OSBPL8: variants seen among roughly 807,000 people sequenced by gnomAD.
OSBPL8 encodes the protein oxysterol-binding protein-related protein 8.
OSBPL8 carries 59 observed loss-of-function variants against 125.5 expected under a neutral mutation model. The observed-to-expected ratio is 0.47, with a 90% CI of 0.38 to 0.58. The LOEUF is 0.58. Among genes scored for constraint, OSBPL8 ranks in the 20% least tolerant of loss-of-function variants. The probability of loss-of-function intolerance (pLI) is 0.00; values close to 1 mark genes in which losing one functional copy is unlikely to be tolerated. For missense variants in OSBPL8, 758 were observed against 1,047.8 expected (o/e 0.72, Z 3.82); for synonymous variants, 330 against 338.9 (o/e 0.97, Z 0.29).
chr12:76,425,895 T>C (rs969137191), intron 4 of OSBPL8, among the ~76,000 whole-genome samples: 1 of 152,212 alleles, frequency 6.6e-6, no homozygotes, highest in Non-Finnish European at 1.5e-5. Context: ...TGCCGAATGC[T>C]TTCTTCAGTT....
At chr12:76,508,196 T>C (rs963820928) in intron 1 of OSBPL8, among the ~76,000 whole-genome samples, 1 of 151,948 alleles carries the variant, frequency 6.6e-6, no homozygotes, top group Non-Finnish European at 1.5e-5. Flanking sequence ...AGAATATTAC[T>C]GGAAGACAAC....
intron 1 of OSBPL8, among the ~76,000 whole-genome samples, chr12:76,551,743 A>T (rs1489507719): frequency 6.6e-6 from 1 of 152,108 alleles, no homozygotes; most frequent in African/African-American, 2.4e-5. Context: ...AGGATCTCCT[A>T]ACTTGGCCCC....
intron 8 of OSBPL8, among the ~76,000 whole-genome samples, chr12:76,395,982 GAGT>G (rs1381614360): frequency 6.6e-6 from 1 of 150,764 alleles, no homozygotes; most frequent in Non-Finnish European, 1.5e-5. Context: ...CAATTCCTAA[GAGT>G]AGTAGAATAC....
rs1303867585 is a variant in OSBPL8 at position 76,369,693 on chromosome 12, A to G, written c.2184T>C (p.Ser728=). 1.9e-6 allele frequency: 3 copies of G among 1,613,648 alleles called. No individual in the cohort carries two copies. Among genetic ancestry groups the G allele is most frequent in the Admixed American group, 1.7e-5 (1 of 59,934 alleles). The part of the protein sequence containing the change: ...RDRKTKNEEW[S]CKLFELDPLT... ...GTGGATCAAGTTCAAATAATTTGCA[A>G]GACCACTCTTCATTTTTTGTTTTCC... Residue 728 remains serine, a synonymous_variant, in exon 20 of 24, where the codon TCT becomes TCC. Transcript: ENST00000261183.
At chr12:76,554,360 T>C (rs753162234) in intron 1 of OSBPL8, among the ~76,000 whole-genome samples, 40 of 152,180 alleles carry the variant, frequency 2.6e-4, no homozygotes, top group Non-Finnish European at 5.0e-4. Flanking sequence ...GAGGAGCAAC[T>C]GCAAATAAAT....
At position 76,356,664 on chromosome 12, in the gene OSBPL8, G is replaced by A; in HGVS notation, c.2499C>T (p.Ser833=). ...CCTGTGTTTGTTTTATAGATTCGAT[G>A]GAACTCTGAATGTCTCCCAGTTCTA... ...KGIELGDIQS[S]IESIKQTQEE... Residue 833 remains serine (S), a synonymous_variant, in exon 23 of 24, where the codon TCC becomes TCT. Transcript: ENST00000261183. The A allele has an allele frequency of 1.9e-6, 3 of 1,609,732 alleles. No individual in the cohort carries two copies. The highest frequency in any genetic ancestry group is 2.5e-6 in the Non-Finnish European group (3 of 1,177,318).
intron 1 of OSBPL8, among the ~76,000 whole-genome samples, chr12:76,523,402 T>C (rs1332055906): frequency 6.6e-6 from 1 of 152,174 alleles, no homozygotes; most frequent in Non-Finnish European, 1.5e-5. Context: ...AGGGAAAATT[T>C]AGAGCACTTA....
At chr12:76,494,613 G>T (rs73385521) in intron 1 of OSBPL8, among the ~76,000 whole-genome samples, 24,400 of 152,050 alleles carry the variant, frequency 0.16, 2,265 homozygotes, top group Middle Eastern at 0.24. Context: ...TGAATATGGC[G>T]TGAGGATGAG....
At chr12:76,376,660 G>C (rs959938729) in intron 16 of OSBPL8, among the ~76,000 whole-genome samples, 10 of 151,894 alleles carry the variant, frequency 6.6e-5, no homozygotes, top group African/African-American at 2.4e-4. Flanking sequence ...CATAATTAAA[G>C]ATATTTCACT....
chr12:76,390,624 A>T lies in OSBPL8; in HGVS notation c.963T>A (p.Phe321Leu). The T allele has an allele frequency of 3.1e-6, 5 of 1,613,132 alleles. No homozygotes were observed. Among genetic ancestry groups the T allele is most frequent in the Non-Finnish European group, 4.2e-6 (5 of 1,179,516 alleles). The change falls in exon 11 of 24, where the codon TTT becomes TTA. Residue 321 changes from phenylalanine to leucine, a missense_variant. Physicochemically the swap from Phe to Leu is conservative, Grantham distance 22 (BLOSUM62 0). Transcript: ENST00000261183. ...TATCAGAATACATATCTTGGTCCTT[A>T]AAATGTTGTCGTTCAATTTCACTAT... ...LNDSEIERQH[F>L]KDQDMYSDKS...
At chr12:76,522,693 T>G (rs1950055384) in intron 1 of OSBPL8, among the ~76,000 whole-genome samples, 2 of 152,224 alleles carry the variant, frequency 1.3e-5, no homozygotes, top group Non-Finnish European at 2.9e-5. Flanking sequence ...ATGCTTCCTG[T>G]GCAGCCTGAA....
At chr12:76,533,513 C>A (rs1950407960) in intron 1 of OSBPL8, among the ~76,000 whole-genome samples, 1 of 152,182 alleles carries the variant, frequency 6.6e-6, no homozygotes, top group South Asian at 2.1e-4. Context: ...ATTTGTCTGA[C>A]TGATCTTGCA....
intron 1 of OSBPL8, among the ~76,000 whole-genome samples, chr12:76,514,466 A>T (rs1053091794): frequency 6.6e-6 from 1 of 151,876 alleles, no homozygotes; most frequent in South Asian, 2.1e-4. Context: ...TTGTTGAACA[A>T]TTTTTTCTTT....
chr12:76,374,114 CT>C (rs1046535240), intron 17 of OSBPL8, among the ~76,000 whole-genome samples: 1 of 152,064 alleles, frequency 6.6e-6, no homozygotes, highest in African/African-American at 2.4e-5. Flanking sequence ...CTTAAGAGGT[CT>C]TTTTTATCAG....
intron 20 of OSBPL8, 119 bp from the exon 21 acceptor site, chr12:76,369,420 T>C (rs1952538249): frequency 1.4e-6 from 2 of 1,420,070 alleles, no homozygotes; most frequent in East Asian, 2.5e-5. Context: ...ATAATGAGAT[T>C]TCCCCATACC....
intron 9 of OSBPL8, among the ~76,000 whole-genome samples, chr12:76,393,746 A>T (rs1953669438): frequency 7.1e-6 from 1 of 141,446 alleles, no homozygotes; most frequent in Admixed American, 7.2e-5. Flanking sequence ...ATCTGAGGCC[A>T]GGTGCGATGG....
At chr12:76,531,802 C>T (rs1422179167) in intron 1 of OSBPL8, among the ~76,000 whole-genome samples, 8 of 151,978 alleles carry the variant, frequency 5.3e-5, no homozygotes, top group Admixed American at 1.3e-4. Context: ...CTTTGGGAAG[C>T]CGAGGCAGGC....
chr12:76,426,404 T>G (rs1870151088), intron 4 of OSBPL8, among the ~76,000 whole-genome samples: 1 of 152,204 alleles, frequency 6.6e-6, no homozygotes, highest in Non-Finnish European at 1.5e-5. Context: ...TCTGAAGTTT[T>G]TCTTCAAACA....
At chr12:76,509,402 A>C (rs748960936) in intron 1 of OSBPL8, among the ~76,000 whole-genome samples, 42 of 152,214 alleles carry the variant, frequency 2.8e-4, no homozygotes, top group Non-Finnish European at 5.6e-4. Context: ...AAGAAAATCT[A>C]ATATAATGAG....
Sources: allele counts gnomAD v4.1 joint callset (sites outside exome capture counted in the v4.1 genomes callset), GRCh38; gene constraint gnomAD v4.1.1; transcripts MANE v1.5; gene names NCBI Gene and HGNC (gene_info 2026-07-23, HGNC 2026-07-21).